The following GALNT13 variants were observed in gnomAD, a reference collection of about 807,000 sequenced individuals.
GALNT13 encodes the protein polypeptide N-acetylgalactosaminyltransferase 13, also known as UDP-GalNAc:polypeptide N-acetylgalactosaminyltransferase 13.
Under a neutral mutation model 64.2 loss-of-function variants are expected in GALNT13, and 28 were observed. The ratio of observed to expected loss-of-function variants is 0.44; its 90% confidence interval spans 0.32 to 0.60. The LOEUF is 0.60. GALNT13 is among the 20% of genes least tolerant of loss of function. The pLI, the probability that GALNT13 is intolerant of heterozygous loss-of-function variation, is 0.05. For synonymous variants in GALNT13, 214 were observed against 224.6 expected (o/e 0.95, Z 0.42); for missense variants, 577 against 669.8 (o/e 0.86, Z 1.53).
the GALNT13 span, among the ~76,000 whole-genome samples, chr2:153,216,072 A>G: frequency 6.6e-6 from 1 of 152,028 alleles, no homozygotes; most frequent in African/African-American, 2.4e-5. Context: ...AAGAAGTGGA[A>G]TGATACAATA....
chr2:154,228,545 G>A (rs987627087), intron 4 of GALNT13, among the ~76,000 whole-genome samples: 1 of 152,152 alleles, frequency 6.6e-6, no homozygotes, highest in Non-Finnish European at 1.5e-5. Flanking sequence ...GAGGTTTGCT[G>A]TAGGACCTGC....
intron 4 of GALNT13, among the ~76,000 whole-genome samples, chr2:154,192,883 G>T (rs758037916): frequency 1.4e-4 from 22 of 152,192 alleles, no homozygotes; most frequent in Non-Finnish European, 2.8e-4. Context: ...AGAAGCACAT[G>T]ACTTAAAAAT....
At chr2:153,284,017 G>T in the GALNT13 span, among the ~76,000 whole-genome samples, 27 of 152,204 alleles carry the variant, frequency 1.8e-4, no homozygotes, top group Admixed American at 6.5e-4. Context: ...AATACCTGCA[G>T]ATCTGCCTGG....
the GALNT13 span, among the ~76,000 whole-genome samples, chr2:153,617,302 C>G: frequency 6.6e-6 from 1 of 152,068 alleles, no homozygotes; most frequent in African/African-American, 2.4e-5. Context: ...AACTGCTTTT[C>G]AGCATCTGTT....
chr2:153,472,976 T>C, the GALNT13 span, among the ~76,000 whole-genome samples: 2 of 151,428 alleles, frequency 1.3e-5, no homozygotes, highest in Admixed American at 6.6e-5. Context: ...TAAGTGGGAG[T>C]TGAACAATGA....
chr2:153,495,310 A>AAAAC, the GALNT13 span, among the ~76,000 whole-genome samples: 40 of 151,914 alleles, frequency 2.6e-4, 2 homozygotes, highest in Middle Eastern at 3.4e-3. Flanking sequence ...ACTCTGTCTC[A>AAAAC]AAACAAACAA....
chr2:153,628,275 A>G, the GALNT13 span, among the ~76,000 whole-genome samples: 1 of 151,758 alleles, frequency 6.6e-6, no homozygotes, highest in East Asian at 1.9e-4. Flanking sequence ...TAGATATACA[A>G]TCATGTCGTC....
At chr2:153,630,807 A>ATTTATT in the GALNT13 span, among the ~76,000 whole-genome samples, 3 of 21,990 alleles carry the variant, frequency 1.4e-4, no homozygotes, top group Admixed American at 8.2e-4. Flanking sequence ...ATATATATAT[A>ATTTATT]TTTTTTTTTT....
At chr2:153,600,695 G>A in the GALNT13 span, among the ~76,000 whole-genome samples, 1 of 151,956 alleles carries the variant, frequency 6.6e-6, no homozygotes, top group African/African-American at 2.4e-5. Context: ...TTTAAATCCT[G>A]ATGCCTTAAG....
the GALNT13 span, among the ~76,000 whole-genome samples, chr2:153,243,794 T>C: frequency 6.6e-6 from 1 of 152,136 alleles, no homozygotes; most frequent in African/African-American, 2.4e-5. Flanking sequence ...TTCATAGTCA[T>C]TGAACATTAA....
chr2:153,926,268 TG>T (rs1284070170), intron 2 of GALNT13: 1 of 152,104 alleles, frequency 6.6e-6, no homozygotes, highest in South Asian at 2.1e-4. Context: ...AATTTATTGG[TG>T]TTTTTTTCTT....
At chr2:153,106,575 A>G in the GALNT13 span, among the ~76,000 whole-genome samples, 1 of 152,172 alleles carries the variant, frequency 6.6e-6, no homozygotes, top group Non-Finnish European at 1.5e-5. Flanking sequence ...AAGAAATCCA[A>G]GACAACTTCA....
At chr2:154,171,944 A>G (rs985484865) in intron 4 of GALNT13, among the ~76,000 whole-genome samples, 14 of 149,460 alleles carry the variant, frequency 9.4e-5, no homozygotes, top group Admixed American at 4.7e-4. Context: ...TCCATGCTCA[A>G]TACAAAAATT....
At chr2:153,805,939 T>C in the GALNT13 span, among the ~76,000 whole-genome samples, 24 of 152,076 alleles carry the variant, frequency 1.6e-4, no homozygotes, top group African/African-American at 4.8e-4. Context: ...TCCTGATTTA[T>C]ACATATATAA....
chr2:154,343,538 T>C (rs1437207141), intron 9 of GALNT13, among the ~76,000 whole-genome samples: 1 of 152,032 alleles, frequency 6.6e-6, no homozygotes, highest in Non-Finnish European at 1.5e-5. Context: ...TATATTTGAG[T>C]ATTCATTACT....
chr2:153,358,619 A>G, the GALNT13 span, among the ~76,000 whole-genome samples: 1 of 152,212 alleles, frequency 6.6e-6, no homozygotes, highest in Middle Eastern at 3.2e-3. Context: ...TTTGAAAGAA[A>G]CTATCTCTAA....
intron 3 of GALNT13, among the ~76,000 whole-genome samples, chr2:154,023,728 C>A (rs1292597533): frequency 6.6e-6 from 1 of 152,084 alleles, no homozygotes; most frequent in East Asian, 1.9e-4. Context: ...TGAATTTGAT[C>A]CTGTCATTAT....
the GALNT13 span, among the ~76,000 whole-genome samples, chr2:153,116,391 C>T: frequency 6.6e-6 from 1 of 152,062 alleles, no homozygotes; most frequent in South Asian, 2.1e-4. Context: ...GACTAGAACA[C>T]TGAATATATA....
chr2:153,448,472 G>A, the GALNT13 span, among the ~76,000 whole-genome samples: 3 of 152,062 alleles, frequency 2.0e-5, no homozygotes, highest in African/African-American at 7.2e-5. Context: ...GATATAGGGG[G>A]AGATATTTCT....
Sources: allele counts gnomAD v4.1 joint callset (sites outside exome capture counted in the v4.1 genomes callset), GRCh38; gene constraint gnomAD v4.1.1; transcripts MANE v1.5; gene names NCBI Gene and HGNC (gene_info 2026-07-23, HGNC 2026-07-21).